The following MOB3B variants were observed in gnomAD, a reference collection of about 807,000 sequenced individuals.
MOB3B encodes MOB kinase activator 3B.
MOB3B carries 7 observed loss-of-function variants against 18.7 expected under a neutral mutation model. That is an observed-to-expected ratio of 0.37 (90% CI 0.21 to 0.70). MOB3B has a LOEUF of 0.70. MOB3B is among the 30% of genes least tolerant of loss of function. The pLI is 0.52. For missense variants in MOB3B, 253 were observed against 281.3 expected, an observed-to-expected ratio of 0.90 and a Z score of 0.72; for synonymous variants, 111 against 99.9, an observed-to-expected ratio of 1.11 and a Z score of -0.66.
intron 3 of MOB3B, among the ~76,000 whole-genome samples, chr9:27,342,910 T>C (rs1453894800): frequency 2.0e-5 from 3 of 148,182 alleles, no homozygotes; most frequent in Non-Finnish European, 3.0e-5. Flanking sequence ...GTGAGGAGCG[T>C]CTCTGCCTGG....
chr9:27,349,368 A>AAT (rs1280353995), intron 3 of MOB3B, among the ~76,000 whole-genome samples: 2 of 152,136 alleles, frequency 1.3e-5, no homozygotes, highest in Non-Finnish European at 2.9e-5. Context: ...GGTGGGAGAA[A>AAT]ATATAATGTT....
Position 27,524,920 on chromosome 9 carries a change from A to C in MOB3B, c.-199+4635T>G. 3 of 1,607,426 alleles carry C rather than the reference A, an allele frequency of 1.9e-6. No individual in the cohort carries two copies. The South Asian group carries it at 3.4e-5, about 18-fold the overall frequency. On this transcript the variant is annotated intron_variant, in intron 1 of 3. Coordinates refer to ENST00000262244, the MANE Select transcript of MOB3B (RefSeq NM_024761.5). ...CGAGTGGAAATCAGAAGATGTTTGT[A>C]TTACTTTTACAAATTTACAGCTCTA...
intron 2 of MOB3B, among the ~76,000 whole-genome samples, chr9:27,377,926 G>T (rs1272125054): frequency 6.6e-6 from 1 of 152,234 alleles, no homozygotes; most frequent in Admixed American, 6.5e-5. Flanking sequence ...GGCAAGCCCA[G>T]CCTGTCTTGC....
rs184690258 is a variant in MOB3B at position 27,491,521 on chromosome 9, A to G, written c.-198-35773T>C. ...TTATTTTCAGAGATTAAAAAAAGAC[A>G]TATATCTGTATCAACCATTCTTTTT... is the stretch of plus-strand genomic sequence containing the variant. On this transcript the variant is annotated intron_variant, in intron 1 of 3. Transcript: ENST00000262244. 2.6e-5 allele frequency among the ~76,000 whole-genome samples: 4 copies of G among 152,328 alleles called. No individual in the cohort carries two copies. In the East Asian group the frequency reaches 7.7e-4, roughly 29 times the overall value.
At chr9:27,473,194 G>C (rs1232960491) in intron 1 of MOB3B, among the ~76,000 whole-genome samples, 1 of 152,232 alleles carries the variant, frequency 6.6e-6, no homozygotes, top group African/African-American at 2.4e-5. Context: ...ACTACACTTG[G>C]ATTCTCATTT....
intron 2 of MOB3B, among the ~76,000 whole-genome samples, chr9:27,401,819 AT>A (rs1362259410): frequency 6.6e-6 from 1 of 152,256 alleles, no homozygotes; most frequent in African/African-American, 2.4e-5. Context: ...TCTGTCTCCT[AT>A]CTGAAATCAG....
intron 2 of MOB3B, chr9:27,378,536 C>T (rs1255661350): frequency 2.1e-6 from 1 of 470,970 alleles, no homozygotes; most frequent in Non-Finnish European, 4.4e-6. Context: ...CAGGGGGCAG[C>T]TTGGCCAAAG....
intron 1 of MOB3B, among the ~76,000 whole-genome samples, chr9:27,497,591 T>C (rs1189626489): frequency 9.9e-5 from 15 of 152,018 alleles, no homozygotes; most frequent in Non-Finnish European, 7.4e-5. Context: ...TTTAATTTCT[T>C]TTCTGTACTT....
chr9:27,426,592 G>C (rs555673672), intron 2 of MOB3B, among the ~76,000 whole-genome samples: 6 of 152,212 alleles, frequency 3.9e-5, no homozygotes, highest in Non-Finnish European at 7.3e-5. Flanking sequence ...GCCTGTCAGA[G>C]CTCTACCTCA....
At chr9:27,440,830 C>G (rs1448342263) in intron 2 of MOB3B, among the ~76,000 whole-genome samples, 2 of 152,026 alleles carry the variant, frequency 1.3e-5, no homozygotes, top group African/African-American at 4.8e-5. Flanking sequence ...GAAATGCCAT[C>G]AGTACTGGTG....
chr9:27,433,136 T>C (rs1822441563), intron 2 of MOB3B, among the ~76,000 whole-genome samples: 1 of 152,132 alleles, frequency 6.6e-6, no homozygotes, highest in African/African-American at 2.4e-5. Context: ...ACATATTTGA[T>C]ATAAATTTAG....
chr9:27,488,274 G>A (rs1415682682), intron 1 of MOB3B, among the ~76,000 whole-genome samples: 1 of 152,208 alleles, frequency 6.6e-6, no homozygotes, highest in Non-Finnish European at 1.5e-5. Flanking sequence ...GTAGCAGCAA[G>A]GGTAACGGTA....
intron 1 of MOB3B, among the ~76,000 whole-genome samples, chr9:27,494,264 A>G (rs937192005): frequency 1.2e-4 from 19 of 152,186 alleles, no homozygotes; most frequent in Admixed American, 7.2e-4. Flanking sequence ...CTGTGGTCCT[A>G]TGATCTCGCC....
chr9:27,469,623 A>G (rs565398521), intron 1 of MOB3B, among the ~76,000 whole-genome samples: 57 of 152,272 alleles, frequency 3.7e-4, no homozygotes, highest in African/African-American at 1.2e-3. Context: ...ACAAAAACAA[A>G]CAGCTAGTGC....
intron 1 of MOB3B, among the ~76,000 whole-genome samples, chr9:27,483,637 G>T (rs2131480668): frequency 6.6e-6 from 1 of 152,220 alleles, no homozygotes; most frequent in South Asian, 2.1e-4. Context: ...GATTTCAAAG[G>T]CCCAATTATA....
chr9:27,388,448 T>C (rs952171767), intron 2 of MOB3B, among the ~76,000 whole-genome samples: 1 of 152,210 alleles, frequency 6.6e-6, no homozygotes, highest in Non-Finnish European at 1.5e-5. Flanking sequence ...TATACTAGGC[T>C]CAGAGTATCT....
chr9:27,514,067 C>G (rs1820191194), intron 1 of MOB3B, among the ~76,000 whole-genome samples: 1 of 152,092 alleles, frequency 6.6e-6, no homozygotes, highest in Admixed American at 6.5e-5. Flanking sequence ...ATAGGGCAAT[C>G]CCAGTTTCTC....
At chr9:27,478,303 A>G (rs1220791129) in intron 1 of MOB3B, among the ~76,000 whole-genome samples, 1 of 152,220 alleles carries the variant, frequency 6.6e-6, no homozygotes, top group Non-Finnish European at 1.5e-5. Context: ...TCAGAAGGAG[A>G]AGCCACGTAC....
chr9:27,469,735 T>C (rs1819441702), intron 1 of MOB3B, among the ~76,000 whole-genome samples: 1 of 152,174 alleles, frequency 6.6e-6, no homozygotes, highest in African/African-American at 2.4e-5. Context: ...CACTAGGCAA[T>C]GGATCTGTTT....
Sources: gnomAD v4.1 joint callset for allele counts (sites outside exome capture counted in the v4.1 genomes callset) on GRCh38, gnomAD v4.1.1 for gene constraint, MANE v1.5 for transcripts, NCBI Gene and HGNC (gene_info 2026-07-23, HGNC 2026-07-21) for gene names.